Variants in INSL6 observed in about 807,000 individuals in gnomAD.
INSL6 encodes insulin like 6.
INSL6 carries 16 observed loss-of-function variants against 9.4 expected under a neutral mutation model. The observed-to-expected ratio is 1.70, with a 90% CI of 1.15 to 2.59. INSL6 has a LOEUF of 2.59. Among genes scored for constraint, INSL6 ranks in the 30% most tolerant of loss-of-function variants. The pLI is 0.00. For synonymous variants in INSL6, 154 were observed against 96.9 expected, an observed-to-expected ratio of 1.59 and a Z score of -3.46; for missense variants, 391 against 257.3, an observed-to-expected ratio of 1.52 and a Z score of -3.56.
At chr9:4,998,982 C>T in the INSL6 span, among the ~76,000 whole-genome samples, 22 of 150,846 alleles carry the variant, frequency 1.5e-4, no homozygotes, top group Non-Finnish European at 2.1e-4. Context: ...CCACCACGCC[C>T]GGCTATTTTT....
the INSL6 span, among the ~76,000 whole-genome samples, chr9:5,080,914 G>C: frequency 3.2e-5 from 1 of 31,412 alleles, no homozygotes; most frequent in East Asian, 1.1e-3. Context: ...TTTTTTTTTT[G>C]AGATGGAGTC....
the INSL6 span, among the ~76,000 whole-genome samples, chr9:5,046,073 C>G: frequency 6.6e-6 from 1 of 152,156 alleles, no homozygotes. Flanking sequence ...ATAGCCATCT[C>G]TATGGGTTTG....
downstream of INSL6, among the ~76,000 whole-genome samples, chr9:5,119,067 T>A (rs983543137): frequency 2.6e-5 from 4 of 152,142 alleles, no homozygotes; most frequent in African/African-American, 9.7e-5. Flanking sequence ...ATTAACATAT[T>A]TTATCATGTT....
At chr9:5,035,086 C>G in the INSL6 span, among the ~76,000 whole-genome samples, 3 of 152,292 alleles carry the variant, frequency 2.0e-5, no homozygotes, top group African/African-American at 7.2e-5. Context: ...AAACTACCAT[C>G]AGAGAATACT....
the INSL6 span, chr9:5,077,594 C>A: frequency 4.8e-6 from 7 of 1,446,020 alleles, no homozygotes; most frequent in African/African-American, 3.0e-5. Context: ...AGTAGTACAA[C>A]CTTTTTATCA....
chr9:5,095,033 C>T, the INSL6 span: 3 of 149,390 alleles, frequency 2.0e-5, no homozygotes, highest in Non-Finnish European at 4.5e-5. Flanking sequence ...ATATGTCTGA[C>T]AAAAGAATTA....
intron 2 of INSL6, among the ~76,000 whole-genome samples, chr9:5,135,929 A>G (rs1824380200): frequency 6.6e-6 from 1 of 152,206 alleles, no homozygotes; most frequent in South Asian, 2.1e-4. Context: ...TTAATAAAAA[A>G]TGATAAAGGG....
Position 5,145,408 on chromosome 9 carries a change from C to A in INSL6, c.377-11816G>T, listed in dbSNP as rs530919973. On this transcript the variant is annotated intron_variant, in intron 2 of 3. Transcript: ENST00000649639. ...TTTAATATTTTTCCTTCATTTTGAC[C>A]TTGGAGATTCTGATGATTAAGCATC... is the stretch of plus-strand genomic sequence containing the variant. 5.3e-5 allele frequency among the ~76,000 whole-genome samples: 8 copies of A among 152,138 alleles called. No individual in the cohort carries two copies. In the South Asian group the frequency reaches 1.7e-3, roughly 32 times the overall value.
intron 3 of INSL6, chr9:5,127,430 C>G: frequency 4.3e-6 from 1 of 231,480 alleles, no homozygotes; most frequent in African/African-American, 2.2e-5. Flanking sequence ...ATAAAGGGAA[C>G]AAATGTCTAG....
chr9:5,165,700 G>T (rs1825036489), intron 1 of INSL6, among the ~76,000 whole-genome samples: 1 of 152,092 alleles, frequency 6.6e-6, no homozygotes, highest in Admixed American at 6.5e-5. Flanking sequence ...GTGGTAATAT[G>T]CTCTAGGTAC....
At chr9:5,153,880 C>G (rs544818317) in intron 2 of INSL6, among the ~76,000 whole-genome samples, 146 of 152,266 alleles carry the variant, frequency 9.6e-4, no homozygotes, top group Non-Finnish European at 1.8e-3. Context: ...TCAATATCGT[C>G]AAAATGGCCA....
the INSL6 span, among the ~76,000 whole-genome samples, chr9:5,059,946 G>T: frequency 0.012 from 1,799 of 152,166 alleles, 19 homozygotes; most frequent in Non-Finnish European, 0.019. Context: ...TCTTTTGTAG[G>T]ATGTTTGTAA....
At chr9:5,127,432 A>G in intron 3 of INSL6, 1 of 231,720 alleles carries the variant, frequency 4.3e-6, no homozygotes, top group Non-Finnish European at 8.6e-6. Context: ...AAAGGGAACA[A>G]ATGTCTAGTT....
At chr9:5,133,098 G>A (rs554247680) in intron 3 of INSL6, among the ~76,000 whole-genome samples, 1 of 152,224 alleles carries the variant, frequency 6.6e-6, no homozygotes, top group African/African-American at 2.4e-5. Context: ...AACTGATGTT[G>A]GAGGATGAAA....
the INSL6 span, among the ~76,000 whole-genome samples, chr9:5,037,100 G>T: frequency 6.6e-6 from 1 of 152,052 alleles, no homozygotes; most frequent in South Asian, 2.1e-4. Context: ...CAAAAGACAT[G>T]AAAAAATGCT....
At chr9:5,108,099 T>C in the INSL6 span, 1 of 152,158 alleles carries the variant, frequency 6.6e-6, no homozygotes, top group African/African-American at 2.4e-5. Flanking sequence ...TCTCTTCTGA[T>C]CTGCTGATGT....
the INSL6 span, among the ~76,000 whole-genome samples, chr9:5,063,211 C>G: frequency 2.6e-5 from 4 of 152,100 alleles, no homozygotes; most frequent in Non-Finnish European, 4.4e-5. Context: ...TCTTATATAA[C>G]TTTTTCCAGG....
At chr9:5,180,061 G>C (rs1825412444) in intron 1 of INSL6, among the ~76,000 whole-genome samples, 1 of 152,228 alleles carries the variant, frequency 6.6e-6, no homozygotes, top group Non-Finnish European at 1.5e-5. Flanking sequence ...TCTGTTGTGG[G>C]AAGTCAGGGA....
At chr9:5,166,076 G>A (rs975029145) in intron 1 of INSL6, among the ~76,000 whole-genome samples, 11 of 152,268 alleles carry the variant, frequency 7.2e-5, no homozygotes, top group African/African-American at 2.4e-4. Context: ...AAGAAGTAAC[G>A]AGAAAAAGAT....
Sources: allele counts gnomAD v4.1 joint callset (sites outside exome capture counted in the v4.1 genomes callset), GRCh38; gene constraint gnomAD v4.1.1; transcripts MANE v1.5; gene names NCBI Gene and HGNC (gene_info 2026-07-23, HGNC 2026-07-21).